Variants in CLEC4G observed in about 807,000 individuals in gnomAD.
The protein encoded by CLEC4G is C-type lectin superfamily 4, member G.
A neutral mutation model predicts 37.0 loss-of-function variants in CLEC4G; 34 were observed. The ratio of observed to expected loss-of-function variants is 0.92; its 90% CI spans 0.70 to 1.22. The LOEUF is 1.22. CLEC4G is among the 50% of genes most tolerant of loss of function. The probability of loss-of-function intolerance (pLI) is 0.00; values close to 1 mark genes in which losing one functional copy is unlikely to be tolerated. For synonymous variants in CLEC4G, 167 were observed against 165.6 expected, an observed-to-expected ratio of 1.01 and a Z score of -0.06; for missense variants, 390 against 392.9, an observed-to-expected ratio of 0.99 and a Z score of 0.06.
At chr19:7,731,987 TC>T in intron 1 of CLEC4G, 60 bp downstream of exon 1, 1 of 1,468,776 alleles carries the variant, frequency 6.8e-7, no homozygotes, top group Non-Finnish European at 9.5e-7. Context: ...GACTCTTCCC[TC>T]CCCTCCCCCA....
rs1193984922 is a variant in CLEC4G at position 7,731,414 on chromosome 19, G to A, written c.167-95C>T. On this transcript the variant is annotated intron_variant, in intron 2 of 8. Coordinates refer to ENST00000328853, the MANE Select transcript of CLEC4G (RefSeq NM_198492.4). ...GTCCCCCAACTCGGGAGCACGGAGCGGGCGGGCAGGCATACAGCTCACACG... is the reference window on the plus strand; with the variant it reads ...GTCCCCCAACTCGGGAGCACGGAGCAGGCGGGCAGGCATACAGCTCACACG... 2.2e-5 allele frequency: 33 copies of A among 1,508,678 alleles called. No individual in the cohort carries two copies. The East Asian group carries it at 6.2e-4, about 28-fold the overall frequency. 93.5% of individuals were successfully genotyped at this position (1,508,678 alleles called of 1,614,324 possible).
intron 7 of CLEC4G, 24 bp downstream of exon 7, chr19:7,729,995 A>G (rs750648603): frequency 1.9e-6 from 3 of 1,601,136 alleles, no homozygotes; most frequent in South Asian, 1.1e-5. Context: ...CCACCGCCTG[A>G]CCACGCCCCC....
rs1364677392 is a variant in CLEC4G, at chr19:7,730,395, C to A, written c.434G>T (p.Arg145Leu). ...AEAGRGREDV[R>L]TELFRALEAV... is the part of the protein sequence containing the mutation. Reference sequence around the variant, plus strand: ...CTCCAGCGCCCGGAACAGCTCAGTGCGGACGTCCTCACGGCCCCTGCCGGC... The same window carrying A: ...CTCCAGCGCCCGGAACAGCTCAGTGAGGACGTCCTCACGGCCCCTGCCGGC... Residue 145 changes from arginine (R) to leucine (L), a missense_variant, in exon 6 of 9, where the codon CGC becomes CTC. Transcript: ENST00000328853. This position sits in a 1 kb window ranked among gnomAD's most constrained non-coding sequence, Gnocchi z 7.3. 3 of 1,602,658 alleles carry A rather than the reference C, an allele frequency of 1.9e-6. No individual in the cohort carries two copies. The highest frequency in any genetic ancestry group is 2.2e-5 in the South Asian group (2 of 91,070).
Position 7,730,875 on chromosome 19 carries a change from T to C in CLEC4G, c.284-16A>G. 7 of 1,527,842 alleles carry C rather than the reference T, an allele frequency of 4.6e-6. No homozygotes were observed. Among genetic ancestry groups the C allele is most frequent in the Non-Finnish European group, 6.1e-6 (7 of 1,144,002 alleles). The allele number at this position is 1,527,842 out of a possible 1,614,324, so 94.6% of individuals were successfully genotyped here. ...GTCCCCGAGCCTGGGAGCCGCAGGG[T>C]GAGAGGGGCGAGGGCGGCGAGGATG... On this transcript the variant is annotated splice_polypyrimidine_tract_variant and intron_variant, in intron 4 of 8. Coordinates refer to ENST00000328853, the MANE Select transcript of CLEC4G (RefSeq NM_198492.4). The surrounding 1 kb of genome is among the most constrained non-coding windows in gnomAD (Gnocchi z 7.3).
intron 2 of CLEC4G, 147 bp downstream of exon 2, chr19:7,731,514 G>A (rs978742842): frequency 2.7e-6 from 4 of 1,454,546 alleles, no homozygotes; most frequent in Non-Finnish European, 3.7e-6. Flanking sequence ...GCACACGCGT[G>A]AGTGCACACG....
chr19:7,731,123 CG>C, intron 3 of CLEC4G, 35 bp from the exon 4 acceptor site: 1 of 1,603,908 alleles, frequency 6.2e-7, no homozygotes. Flanking sequence ...GCATGCCCCT[CG>C]GGTCACTTGG....
In CLEC4G at chr19:7,730,676, C is replaced by T. The variant is rs747888085; in HGVS notation, c.388+79G>A. The T allele has an allele frequency of 9.0e-4, 1,268 of 1,407,648 alleles. No homozygotes were observed. Among genetic ancestry groups the T allele is most frequent in the Non-Finnish European group, 1.1e-3 (1,238 of 1,078,308 alleles). The allele number at this position is 1,407,648 out of a possible 1,614,324, so 87.2% of individuals were successfully genotyped here. A position where few individuals can be genotyped will look rare whatever the true frequency, so the allele number is the denominator to read the frequency against. On this transcript the variant is annotated intron_variant, in intron 5 of 8. Transcript: ENST00000328853. This position sits in a 1 kb window ranked among gnomAD's most constrained non-coding sequence, Gnocchi z 7.3. ...TCAGGACGGGGTGCATGATCGGGGT[C>T]GGGGGTCAGCACTCAGGACGGGGTC...
At chr19:7,731,376 C>T (rs2146301210) in intron 2 of CLEC4G, 57 bp from the exon 3 acceptor site, 1 of 1,531,894 alleles carries the variant, frequency 6.5e-7, no homozygotes. Flanking sequence ...TCCCCTCGCC[C>T]GGGGGGTGCA....
Position 7,730,417 on chromosome 19 carries a change from C to T in CLEC4G, c.412G>A (p.Gly138Ser), listed in dbSNP as rs140612695. ...ERVTQGLAEA[G>S]RGREDVRTEL... ...GTGCGGACGTCCTCACGGCCCCTGCCGGCTTCAGCCAAGCCCTGGGTCACT... is the reference window on the plus strand; with the variant it reads ...GTGCGGACGTCCTCACGGCCCCTGCTGGCTTCAGCCAAGCCCTGGGTCACT... Residue 138 changes from glycine to serine, a missense_variant, in exon 6 of 9, where the codon GGC becomes AGC. Physicochemically the swap from Gly to Ser is moderately conservative, Grantham distance 56. Transcript: ENST00000328853. The surrounding 1 kb of genome is among the most constrained non-coding windows in gnomAD (Gnocchi z 7.3). 1.6e-5 allele frequency: 25 copies of T among 1,601,702 alleles called. No individual in the cohort carries two copies. The highest frequency in any genetic ancestry group is 1.8e-5 in the Non-Finnish European group (21 of 1,179,886).
At position 7,729,387 on chromosome 19, in the gene CLEC4G, A is replaced by G. The variant is rs1830190974; in HGVS notation, c.861T>C (p.Cys287=). ...GGGGTCAGCAGTTGTGCCTTTTCTCACAGATCCAGCCGTCCTTCTCGCTGT... is the reference window on the plus strand; with the variant it reads ...GGGGTCAGCAGTTGTGCCTTTTCTCGCAGATCCAGCCGTCCTTCTCGCTGT... ...PCDSEKDGWI[C]EKRHNC is the part of the protein sequence containing the mutation. Residue 287 remains cysteine, a synonymous_variant, in exon 9 of 9, where the codon TGT becomes TGC. Coordinates refer to ENST00000328853, the MANE Select transcript of CLEC4G (RefSeq NM_198492.4). 6.2e-7 allele frequency: 1 copy of G among 1,608,758 alleles called. No homozygotes were observed. The highest frequency in any genetic ancestry group is 1.3e-5 in the African/African-American group (1 of 74,774).
intron 2 of CLEC4G, 106 bp from the exon 3 acceptor site, chr19:7,731,425 C>T (rs941311304): frequency 2.0e-6 from 3 of 1,501,106 alleles, no homozygotes; most frequent in African/African-American, 1.4e-5. Flanking sequence ...GGCGGGCAGG[C>T]ATACAGCTCA....
chr19:7,729,740 T>A, intron 8 of CLEC4G, 81 bp downstream of exon 8: 1 of 1,570,514 alleles, frequency 6.4e-7, no homozygotes, highest in South Asian at 1.2e-5. Flanking sequence ...AGCCGAGGGG[T>A]CCCTGAGATC....
rs2033436600 is a variant in CLEC4G at position 7,731,734 on chromosome 19, G to A, written c.93C>T (p.Pro31=). 1.2e-6 allele frequency: 2 copies of A among 1,613,932 alleles called. No individual in the cohort carries two copies. The highest frequency in any genetic ancestry group is 1.3e-5 in the African/African-American group (1 of 74,912). Residue 31 remains proline, a synonymous_variant, in exon 2 of 9, where the codon CCC becomes CCT. Coordinates refer to ENST00000328853, the MANE Select transcript of CLEC4G (RefSeq NM_198492.4). ...CCAGGACAGCCAGGGCCAAGAAGAG[G>A]GGTCTCCTGCTCCAGTGCACCCAGC... ...WGRWVHWSRR[P]LFLALAVLVT...
Position 7,730,150 on chromosome 19 carries a change from G to C in CLEC4G, c.496C>G (p.Pro166Ala), listed in dbSNP as rs1315013803. Residue 166 changes from proline to alanine, a missense_variant, in exon 7 of 9, where the codon CCC (proline) becomes GCC (alanine). Physicochemically the swap from Pro to Ala is conservative, Grantham distance 27 (BLOSUM62 -1). Transcript: ENST00000328853. This position sits in a 1 kb window ranked among gnomAD's most constrained non-coding sequence, Gnocchi z 7.3. ...RLQNNSCEPCPTSWLSFEGSC... is the reference protein window; with the variant it reads ...RLQNNSCEPCATSWLSFEGSC... ...CCCTCGAAGGACAGCCACGACGTGG[G>C]GCACGGCTCGCAGGAGTCTGCGGGG... 6.2e-7 allele frequency: 1 copy of C among 1,612,794 alleles called. No homozygotes were observed. The highest frequency in any genetic ancestry group is 1.3e-5 in the African/African-American group (1 of 75,060).
In CLEC4G at chr19:7,731,640, T is replaced by A. The variant is rs140075475; in HGVS notation, c.166+21A>T. ...CCCCAGGGGGGCCGGATGCAACACC[T>A]CCCCATTGAGAGTCACTCACCCTTG... On this transcript the variant is annotated intron_variant, in intron 2 of 8. Coordinates refer to ENST00000328853, the MANE Select transcript of CLEC4G (RefSeq NM_198492.4). The A allele has an allele frequency of 5.6e-3, 8,994 of 1,611,520 alleles. 48 individuals carry two copies. The highest frequency in any genetic ancestry group is 5.9e-3 in the Non-Finnish European group (6,965 of 1,178,738).
rs367931064 is a variant in CLEC4G, at chr19:7,732,073, G to C, written c.30C>G (p.Gly10=). Residue 10 remains glycine (G), a synonymous_variant, in exon 1 of 9, where the codon GGC becomes GGG. Coordinates refer to ENST00000328853, the MANE Select transcript of CLEC4G (RefSeq NM_198492.4). MDTTRYSKW[G]GSSEEVPGGP... is the part of the protein sequence containing the mutation. ...CTCCGGGGACCTCCTCGGAGCTGCC[G>C]CCCCACTTGCTGTACCTGGTGGTGT... 1.9e-6 allele frequency: 3 copies of C among 1,609,942 alleles called. No individual in the cohort carries two copies. Among genetic ancestry groups the C allele is most frequent in the Non-Finnish European group, 2.6e-6 (3 of 1,176,194 alleles).
At position 7,730,244 on chromosome 19, in the gene CLEC4G, C is replaced by T; in HGVS notation, c.479-77G>A. 1 of 1,576,262 alleles carries T rather than the reference C, an allele frequency of 6.3e-7. No individual in the cohort carries two copies. ...CGAGAGGATGCAGTGGGTAGGGGTT[C>T]GGCCCCGCGGGCTCAGGGGTGGAGA... On this transcript the variant is annotated intron_variant, in intron 6 of 8. Transcript: ENST00000328853. The surrounding 1 kb of genome is among the most constrained non-coding windows in gnomAD (Gnocchi z 7.3).
Position 7,730,042 on chromosome 19 carries a change from T to C in CLEC4G, c.604A>G (p.Ile202Val), listed in dbSNP as rs762483347. ...ACCTGCTCATCCAGGCCCCCAACGA[T>C]CACCAGGTGCGCGCTGGCATCTGCG... ...HCADASAHLV[I>V]VGGLDEQGFL... is the part of the protein sequence containing the mutation. The change falls in exon 7 of 9, where the codon ATC becomes GTC. Residue 202 changes from isoleucine (I) to valine (V), a missense_variant. Coordinates refer to ENST00000328853, the MANE Select transcript of CLEC4G (RefSeq NM_198492.4). This position sits in a 1 kb window ranked among gnomAD's most constrained non-coding sequence, Gnocchi z 7.3. 1 of 1,602,452 alleles carries C rather than the reference T, an allele frequency of 6.2e-7. No homozygotes were observed. Among genetic ancestry groups the C allele is most frequent in the East Asian group, 2.3e-5 (1 of 44,370 alleles).
Position 7,730,960 on chromosome 19 carries a change from GC to G in CLEC4G, c.283+65del. 1 of 1,484,410 alleles carries G rather than the reference GC, an allele frequency of 6.7e-7. No individual in the cohort carries two copies. 92.0% of individuals were successfully genotyped at this position (1,484,410 alleles called of 1,614,324 possible). ...CCACCCGCCGCAGGCCTCCGCCCCG[GC>G]CCCCCTCCCATCGCGGCCGCAAGAC... On this transcript the variant is annotated intron_variant, in intron 4 of 8. Coordinates refer to ENST00000328853, the MANE Select transcript of CLEC4G (RefSeq NM_198492.4). This position sits in a 1 kb window ranked among gnomAD's most constrained non-coding sequence, Gnocchi z 7.3.
Sources: allele counts gnomAD v4.1 joint callset, GRCh38; gene constraint gnomAD v4.1.1; non-coding constraint Gnocchi (gnomAD v3.1); transcripts MANE v1.5; gene names NCBI Gene and HGNC (gene_info 2026-07-23, HGNC 2026-07-21).